Variants in GFRA2 observed in about 807,000 individuals in gnomAD.
The protein encoded by GFRA2 is GDNF family receptor alpha 2.
Under a neutral mutation model 48.3 loss-of-function variants are expected in GFRA2, and 17 were observed. That is an observed-to-expected ratio of 0.35 (90% CI 0.24 to 0.53). The LOEUF is 0.53. Among genes scored for constraint, GFRA2 ranks in the 20% least tolerant of loss-of-function variants. The probability of loss-of-function intolerance (pLI) is 0.93; values close to 1 mark genes in which losing one functional copy is unlikely to be tolerated. For synonymous variants in GFRA2, 305 were observed against 257.2 expected (o/e 1.19, Z -1.78); for missense variants, 660 against 637.3 (o/e 1.04, Z -0.38).
At chr8:21,715,807 C>T (rs958792402) in intron 4 of GFRA2, among the ~76,000 whole-genome samples, 1 of 152,156 alleles carries the variant, frequency 6.6e-6, no homozygotes, top group African/African-American at 2.4e-5. Context: ...CAATTCTAGC[C>T]TCATAATCCT....
At chr8:21,706,469 C>T in intron 4 of GFRA2, 4 of 458,300 alleles carry the variant, frequency 8.7e-6, no homozygotes, top group South Asian at 4.6e-5. Context: ...TGCAAAATCC[C>T]ACCAGCAAAA....
intron 1 of GFRA2, among the ~76,000 whole-genome samples, chr8:21,783,610 A>C (rs1807120936): frequency 6.6e-6 from 1 of 151,774 alleles, no homozygotes; most frequent in African/African-American, 2.4e-5. Flanking sequence ...GAGCCCAGGA[A>C]GGAGGAGCTA....
At chr8:21,714,243 G>GTCCTTTTTTTTTTTTTTTTTTTT (rs1803216157) in intron 4 of GFRA2, among the ~76,000 whole-genome samples, 1 of 46,044 alleles carries the variant, frequency 2.2e-5, no homozygotes, top group African/African-American at 7.1e-5. Flanking sequence ...CTGGTCTGAA[G>GTCCTTTTTTTTTTTTTTTTTTTT]TTCTTTTTTT....
intron 4 of GFRA2, among the ~76,000 whole-genome samples, chr8:21,719,479 T>A (rs117696447): frequency 7.5e-4 from 114 of 152,348 alleles, no homozygotes; most frequent in Non-Finnish European, 1.1e-3. Context: ...CATCATTTGA[T>A]TTTAATTGAA....
chr8:21,701,911 G>A (rs982104357), intron 7 of GFRA2, among the ~76,000 whole-genome samples: 1 of 152,136 alleles, frequency 6.6e-6, no homozygotes, highest in Non-Finnish European at 1.5e-5. Flanking sequence ...ATGACCACAA[G>A]GAACCACAGT....
intron 3 of GFRA2, among the ~76,000 whole-genome samples, chr8:21,757,589 G>T (rs1425908789): frequency 6.6e-6 from 1 of 150,730 alleles, no homozygotes; most frequent in Non-Finnish European, 1.5e-5. Flanking sequence ...TGCCTCCCAG[G>T]TTCAGGCGAT....
chr8:21,774,787 C>T (rs765156641), intron 3 of GFRA2, among the ~76,000 whole-genome samples, 185 bp downstream of exon 3: 17 of 152,214 alleles, frequency 1.1e-4, no homozygotes, highest in Non-Finnish European at 1.9e-4. Flanking sequence ...CATAGAAGCA[C>T]CCAGGGAGGT....
intron 3 of GFRA2, among the ~76,000 whole-genome samples, chr8:21,756,410 C>G (rs919291923): frequency 6.6e-6 from 1 of 152,186 alleles, no homozygotes; most frequent in African/African-American, 2.4e-5. Context: ...AGAAAAGACC[C>G]CAGGAGCGGG....
intron 4 of GFRA2, among the ~76,000 whole-genome samples, chr8:21,717,737 G>A (rs1253863261): frequency 6.6e-6 from 1 of 152,162 alleles, no homozygotes; most frequent in Admixed American, 6.5e-5. Context: ...CTCTTTCCTG[G>A]GCTGCTCCAG....
At chr8:21,716,484 T>G (rs531127436) in intron 4 of GFRA2, among the ~76,000 whole-genome samples, 1 of 152,170 alleles carries the variant, frequency 6.6e-6, no homozygotes, top group East Asian at 1.9e-4. Context: ...GAGCCAGGAC[T>G]GCAGGAGTGT....
intron 3 of GFRA2, among the ~76,000 whole-genome samples, chr8:21,774,240 G>T (rs1391449748): frequency 6.6e-6 from 1 of 151,370 alleles, no homozygotes; most frequent in African/African-American, 2.4e-5. Flanking sequence ...TCTCCCAGAT[G>T]CCAGAGAGAA....
chr8:21,747,533 C>T (rs1015635973), intron 4 of GFRA2, among the ~76,000 whole-genome samples: 1 of 152,182 alleles, frequency 6.6e-6, no homozygotes, highest in Non-Finnish European at 1.5e-5. Flanking sequence ...GCAGCTAGCT[C>T]TGGGATCAGG....
intron 4 of GFRA2, among the ~76,000 whole-genome samples, chr8:21,714,028 G>A (rs142815086): frequency 9.9e-4 from 151 of 152,218 alleles, no homozygotes; most frequent in African/African-American, 3.3e-3. Context: ...CTATCGCCAC[G>A]GAGACACACA....
chr8:21,805,531 G>A (rs1223402071), intron 1 of GFRA2, among the ~76,000 whole-genome samples: 2 of 152,148 alleles, frequency 1.3e-5, no homozygotes, highest in Non-Finnish European at 2.9e-5. Flanking sequence ...AGGGGCCTTG[G>A]AGTTTATACA....
At chr8:21,737,605 G>A (rs1367708369) in intron 4 of GFRA2, among the ~76,000 whole-genome samples, 1 of 152,042 alleles carries the variant, frequency 6.6e-6, no homozygotes, top group Non-Finnish European at 1.5e-5. Flanking sequence ...CCCTCAGCCG[G>A]CACCTTCAGC....
intron 4 of GFRA2, among the ~76,000 whole-genome samples, chr8:21,708,686 C>T (rs1051708720): frequency 9.2e-5 from 14 of 152,206 alleles, no homozygotes; most frequent in African/African-American, 9.6e-5. Context: ...ACAGGAAGAA[C>T]GCCATGAGAC....
chr8:21,784,704 C>T (rs906283813), intron 1 of GFRA2, among the ~76,000 whole-genome samples: 41 of 152,340 alleles, frequency 2.7e-4, no homozygotes, highest in African/African-American at 5.8e-4. Context: ...AAAAGACGTG[C>T]CCTTCTCCCA....
chr8:21,707,541 TGA>T (rs1286427935), intron 4 of GFRA2, among the ~76,000 whole-genome samples: 1 of 152,176 alleles, frequency 6.6e-6, no homozygotes, highest in Non-Finnish European at 1.5e-5. Flanking sequence ...GGGATGGTTC[TGA>T]GAGGAGGAAA....
At chr8:21,723,665 C>A (rs1018054592) in intron 4 of GFRA2, among the ~76,000 whole-genome samples, 1 of 152,136 alleles carries the variant, frequency 6.6e-6, no homozygotes, top group Non-Finnish European at 1.5e-5. Context: ...CCCTCCACCC[C>A]GCAGGGTCCA....
Sources: gnomAD v4.1 joint callset for allele counts (sites outside exome capture counted in the v4.1 genomes callset) on GRCh38, gnomAD v4.1.1 for gene constraint, MANE v1.5 for transcripts, NCBI Gene and HGNC (gene_info 2026-07-23, HGNC 2026-07-21) for gene names.